Variants in KLHL29 observed in about 807,000 individuals in gnomAD.
KLHL29 encodes kelch-like protein 29.
Under a neutral mutation model 80.4 loss-of-function variants are expected in KLHL29, and 21 were observed. The observed-to-expected ratio is 0.26, with a 90% CI of 0.19 to 0.38. The LOEUF (loss-of-function observed/expected upper bound fraction) is 0.38, where lower values mean the gene tolerates loss of function less well. Among genes scored for constraint, KLHL29 ranks in the 10% least tolerant of loss-of-function variants. The pLI, the probability that KLHL29 is intolerant of heterozygous loss-of-function variation, is 1.00. For synonymous variants in KLHL29, 511 were observed against 526.8 expected (o/e 0.97, Z 0.41); for missense variants, 867 against 1,223.9 (o/e 0.71, Z 4.35).
chr2:23,670,995 T>G (rs1172645318), intron 5 of KLHL29, among the ~76,000 whole-genome samples: 1 of 29,806 alleles, frequency 3.4e-5, no homozygotes, highest in East Asian at 1.3e-3. Context: ...CCTCCCTCCC[T>G]CCCTCCCCCC....
intron 2 of KLHL29, among the ~76,000 whole-genome samples, chr2:23,516,491 C>A (rs1027849430): frequency 6.6e-6 from 1 of 152,160 alleles, no homozygotes; most frequent in Non-Finnish European, 1.5e-5. Flanking sequence ...TCTTCCCCTG[C>A]ACACAGCAGA....
chr2:23,526,960 G>C (rs11682018), intron 2 of KLHL29, among the ~76,000 whole-genome samples: 76,501 of 151,966 alleles, frequency 0.5, 19,714 homozygotes, highest in East Asian at 0.59. Context: ...GCAGGGTTTC[G>C]TGCTCGGGGT....
At chr2:23,450,229 G>A (rs1018284092) in intron 1 of KLHL29, among the ~76,000 whole-genome samples, 3 of 152,040 alleles carry the variant, frequency 2.0e-5, no homozygotes, top group Non-Finnish European at 1.5e-5. Flanking sequence ...GACAGAGCAC[G>A]ACTCTCCCAA....
chr2:23,696,288 C>T lies in KLHL29; in HGVS notation c.1925-45C>T, dbSNP rs1331443384. The T allele has an allele frequency of 3.9e-6, 6 of 1,539,614 alleles. No homozygotes were observed. Among genetic ancestry groups the T allele is most frequent in the Non-Finnish European group, 5.3e-6 (6 of 1,137,682 alleles). On this transcript the variant is annotated intron_variant, in intron 10 of 13. Coordinates refer to ENST00000486442, the MANE Select transcript of KLHL29 (RefSeq NM_052920.2). This position sits in a 1 kb window ranked among gnomAD's most constrained non-coding sequence, Gnocchi z 5.5. ...GGGCTGGGCCTGCTGACCCCAGGCCCCTCCTCACCCCGCCCGCTCTCTCTG... is the reference window on the plus strand; with the variant it reads ...GGGCTGGGCCTGCTGACCCCAGGCCTCTCCTCACCCCGCCCGCTCTCTCTG...
At chr2:23,546,839 A>T (rs971993133) in intron 2 of KLHL29, among the ~76,000 whole-genome samples, 1 of 152,224 alleles carries the variant, frequency 6.6e-6, no homozygotes, top group African/African-American at 2.4e-5. Flanking sequence ...GCTCCCGGGG[A>T]TATCTGGAAC....
intron 5 of KLHL29, among the ~76,000 whole-genome samples, chr2:23,651,330 C>G (rs1572467080): frequency 6.6e-6 from 1 of 152,308 alleles, no homozygotes; most frequent in Non-Finnish European, 1.5e-5. Flanking sequence ...GATGACTAAG[C>G]ACAGACTAAG....
chr2:23,424,991 TTTTA>T (rs1662966670), intron 1 of KLHL29, among the ~76,000 whole-genome samples: 1 of 152,232 alleles, frequency 6.6e-6, no homozygotes, highest in South Asian at 2.1e-4. Flanking sequence ...AAATGTCATT[TTTTA>T]TTTGTCAACA....
rs1672319874 is a variant in KLHL29 at position 23,700,857 on chromosome 2, G to T, written c.2106-2329G>T. Among the ~76,000 whole-genome samples the T allele has an allele frequency of 6.6e-6, 1 of 152,156 alleles. No homozygotes were observed. Among genetic ancestry groups the T allele is most frequent in the Admixed American group, 6.5e-5 (1 of 15,274 alleles). ...TCAGGGGCACAGCCACTCACTCGCTGTTGGGACCTTGGCTGCCCTCTGAGG... is the reference window on the plus strand; with the variant it reads ...TCAGGGGCACAGCCACTCACTCGCTTTTGGGACCTTGGCTGCCCTCTGAGG... On this transcript the variant is annotated intron_variant, in intron 11 of 13. Coordinates refer to ENST00000486442, the MANE Select transcript of KLHL29 (RefSeq NM_052920.2). This position sits in a 1 kb window ranked among gnomAD's most constrained non-coding sequence, Gnocchi z 4.6.
At position 23,703,139 on chromosome 2, in the gene KLHL29, G is replaced by A. The variant is rs536155782; in HGVS notation, c.2106-47G>A. 38 of 1,345,660 alleles carry A rather than the reference G, an allele frequency of 2.8e-5. No homozygotes were observed. The South Asian group carries it at 5.1e-4, about 18-fold the overall frequency. The allele number at this position is 1,345,660 out of a possible 1,614,324, so 83.4% of individuals were successfully genotyped here. On this transcript the variant is annotated intron_variant, in intron 11 of 13. Coordinates refer to ENST00000486442, the MANE Select transcript of KLHL29 (RefSeq NM_052920.2). ...TGCCCTTGCTTGTGACCTCTGCCCC[G>A]CACAAGGTCCATCTTGACCCTGGGC...
Position 23,511,550 on chromosome 2 carries a change from T to C in KLHL29, c.-46+35883T>C, listed in dbSNP as rs1017240376. 4.6e-5 allele frequency among the ~76,000 whole-genome samples: 7 copies of C among 152,276 alleles called. No homozygotes were observed. In the East Asian group the frequency reaches 9.6e-4, roughly 21 times the overall value. ...CACAGAGATGATTCGAGGCTGAGGG[T>C]TAGCTGTGTGTGAGGACAGGGAGGC... On this transcript the variant is annotated intron_variant, in intron 2 of 13. Transcript: ENST00000486442.
intron 2 of KLHL29, among the ~76,000 whole-genome samples, chr2:23,506,527 G>T (rs955348755): frequency 6.6e-6 from 1 of 152,190 alleles, no homozygotes; most frequent in Non-Finnish European, 1.5e-5. Context: ...CCTTGCCAGG[G>T]ACAAGGACCC....
At position 23,669,996 on chromosome 2, in the gene KLHL29, T is replaced by C. The variant is rs1670665628; in HGVS notation, c.941-14403T>C. On this transcript the variant is annotated intron_variant, in intron 5 of 13. Coordinates refer to ENST00000486442, the MANE Select transcript of KLHL29 (RefSeq NM_052920.2). This position sits in a 1 kb window ranked among gnomAD's most constrained non-coding sequence, Gnocchi z 4.3. ...GCTCAGCTGAAATGGTAGGGACCCA[T>C]GAAAAGTCCCATGCAGGGAGAATTG... is the stretch of plus-strand genomic sequence containing the variant. Among the ~76,000 whole-genome samples the C allele has an allele frequency of 6.6e-6, 1 of 151,956 alleles. No individual in the cohort carries two copies. The highest frequency in any genetic ancestry group is 2.4e-5 in the African/African-American group (1 of 41,340).
intron 3 of KLHL29, among the ~76,000 whole-genome samples, chr2:23,627,970 C>T (rs1025570663): frequency 4.3e-5 from 6 of 138,604 alleles, no homozygotes; most frequent in East Asian, 4.6e-4. Flanking sequence ...GGCAGTGGCA[C>T]GATCTCGGCT....
intron 3 of KLHL29, among the ~76,000 whole-genome samples, chr2:23,582,957 C>T (rs1668023817): frequency 6.6e-6 from 1 of 152,130 alleles, no homozygotes; most frequent in African/African-American, 2.4e-5. Flanking sequence ...GGCCCTAAAT[C>T]CAATGACGAG....
Position 23,407,318 on chromosome 2 carries a change from A to AT in KLHL29, c.-154+21547dup, listed in dbSNP as rs1003445761. On this transcript the variant is annotated intron_variant, in intron 1 of 13. Coordinates refer to ENST00000486442, the MANE Select transcript of KLHL29 (RefSeq NM_052920.2). ...CTTTACCCTATTCTATCCTATTATA[A>AT]TTTTTTTTTAATCTTAGTCTGTTAG... Among the ~76,000 whole-genome samples the AT allele has an allele frequency of 8.6e-5, 13 of 150,668 alleles. 1 individual carries two copies. Among genetic ancestry groups the AT allele is most frequent in the Non-Finnish European group, 1.3e-4 (9 of 67,562 alleles).
At position 23,567,190 on chromosome 2, in the gene KLHL29, C is replaced by A. The variant is rs913160139; in HGVS notation, c.285+4709C>A. 8.5e-5 allele frequency among the ~76,000 whole-genome samples: 13 copies of A among 152,216 alleles called. 1 individual carries two copies. The highest frequency in any genetic ancestry group is 7.2e-4 in the Admixed American group (11 of 15,286). The stretch of plus-strand genomic sequence containing the variant: ...TGCATGAAATTTAAATTATTCTCAG[C>A]AAACCTGCTTGACAGATGAAACAGA... On this transcript the variant is annotated intron_variant, in intron 3 of 13. Coordinates refer to ENST00000486442, the MANE Select transcript of KLHL29 (RefSeq NM_052920.2).
intron 5 of KLHL29, among the ~76,000 whole-genome samples, chr2:23,665,852 C>T (rs551465591): frequency 6.6e-5 from 10 of 152,308 alleles, no homozygotes; most frequent in African/African-American, 2.4e-4. Flanking sequence ...ATAACCCAGA[C>T]ACCTCCCACC....
At chr2:23,469,326 C>T (rs888093753) in intron 1 of KLHL29, among the ~76,000 whole-genome samples, 21 of 152,316 alleles carry the variant, frequency 1.4e-4, no homozygotes, top group East Asian at 3.9e-4. Flanking sequence ...CCGCACCCAC[C>T]GCAGTCCAAC....
intron 6 of KLHL29, chr2:23,685,226 T>C (rs1054252706): frequency 6.2e-5 from 9 of 145,184 alleles, no homozygotes; most frequent in African/African-American, 2.1e-4. Flanking sequence ...ATGAGTCTTA[T>C]TGGTGCATGA....
Sources: gnomAD v4.1 joint callset for allele counts (sites outside exome capture counted in the v4.1 genomes callset) on GRCh38, gnomAD v4.1.1 for gene constraint, Gnocchi (gnomAD v3.1) non-coding constraint, MANE v1.5 for transcripts, NCBI Gene and HGNC (gene_info 2026-07-23, HGNC 2026-07-21) for gene names.